ME3: variants seen among roughly 807,000 people sequenced by gnomAD.
The protein encoded by ME3 is NADP-dependent malic enzyme, mitochondrial.
ME3 carries 48 observed loss-of-function variants against 68.9 expected under a neutral mutation model. The ratio of observed to expected loss-of-function variants is 0.70; its 90% CI spans 0.55 to 0.89. The LOEUF (loss-of-function observed/expected upper bound fraction) is 0.89, where lower values mean the gene tolerates loss of function less well. Ranked by LOEUF, ME3 falls within the 40% of genes least tolerant of loss-of-function variation. The probability of loss-of-function intolerance (pLI) is 0.00; values close to 1 mark genes in which losing one functional copy is unlikely to be tolerated. For synonymous variants in ME3, 320 were observed against 318.8 expected (o/e 1.00, Z -0.04); for missense variants, 675 against 797.4 (o/e 0.85, Z 1.85).
intron 6 of ME3, among the ~76,000 whole-genome samples, chr11:86,490,821 T>C (rs756518674): frequency 1.3e-5 from 2 of 152,202 alleles, no homozygotes; most frequent in Non-Finnish European, 2.9e-5. Context: ...ATTTGAATCT[T>C]AGTGCATCAA....
At chr11:86,527,925 G>C (rs1954892607) in intron 4 of ME3, among the ~76,000 whole-genome samples, 1 of 152,120 alleles carries the variant, frequency 6.6e-6, no homozygotes, top group African/African-American at 2.4e-5. Flanking sequence ...AGACCATCGA[G>C]GCTAGGAAGA....
At chr11:86,555,852 G>C (rs1040899470) in intron 4 of ME3, among the ~76,000 whole-genome samples, 2 of 152,218 alleles carry the variant, frequency 1.3e-5, no homozygotes, top group Admixed American at 1.3e-4. Flanking sequence ...ATATTTGAAC[G>C]TAGACTAGAA....
intron 8 of ME3, among the ~76,000 whole-genome samples, chr11:86,461,075 T>A (rs1359375777): frequency 6.6e-6 from 1 of 152,216 alleles, no homozygotes; most frequent in Non-Finnish European, 1.5e-5. Flanking sequence ...ACACCCACAC[T>A]GTTTCAGCAG....
the ME3 span, chr11:86,436,100 G>A: frequency 1.3e-5 from 2 of 152,156 alleles, no homozygotes; most frequent in Admixed American, 1.3e-4. Flanking sequence ...TGGGAGGCTG[G>A]GGAGTTAGAG....
intron 2 of ME3, among the ~76,000 whole-genome samples, chr11:86,565,304 T>C (rs1392392440): frequency 6.6e-6 from 1 of 152,196 alleles, no homozygotes; most frequent in Admixed American, 6.5e-5. Flanking sequence ...TATTACAGCC[T>C]GTATGGAAAG....
intron 2 of ME3, among the ~76,000 whole-genome samples, chr11:86,560,712 G>GTGTGTGTGTA (rs1235263678): frequency 5.0e-5 from 4 of 80,636 alleles, no homozygotes; most frequent in African/African-American, 1.7e-4. Flanking sequence ...ATATGTGTGT[G>GTGTGTGTGTA]TGTGTGTGTG....
chr11:86,602,481 T>C (rs375047940), intron 2 of ME3, among the ~76,000 whole-genome samples: 9 of 152,150 alleles, frequency 5.9e-5, no homozygotes, highest in Middle Eastern at 3.4e-3. Flanking sequence ...AAGAACATTC[T>C]ATGCTCATGG....
intron 6 of ME3, among the ~76,000 whole-genome samples, chr11:86,497,649 A>T (rs1213775528): frequency 1.3e-5 from 2 of 152,094 alleles, no homozygotes; most frequent in African/African-American, 4.8e-5. Flanking sequence ...GGAAATAGAA[A>T]CTGCCTGGGG....
intron 7 of ME3, among the ~76,000 whole-genome samples, 185 bp downstream of exon 7, chr11:86,487,152 T>G (rs552349564): frequency 3.3e-4 from 51 of 152,286 alleles, no homozygotes; most frequent in African/African-American, 1.2e-3. Flanking sequence ...AGGGATTCTC[T>G]CAGAGAATGA....
Position 86,585,117 on chromosome 11 carries a change from A to G in ME3, c.184-25294T>C, listed in dbSNP as rs149418327. ...AAGGCTTGGAAAAGGGAAGGTGCAC[A>G]GACAGGACCAAGACTGTGCAGTGTG... On this transcript the variant is annotated intron_variant, in intron 2 of 14. Transcript: ENST00000543262. Among the ~76,000 whole-genome samples, 144 of 150,968 alleles carry G rather than the reference A, an allele frequency of 9.5e-4. 1 individual carries two copies. The highest frequency in any genetic ancestry group is 6.8e-3 in the Middle Eastern group (2 of 294).
chr11:86,435,452 G>C, the ME3 span: 1 of 152,210 alleles, frequency 6.6e-6, no homozygotes, highest in Non-Finnish European at 1.5e-5. Flanking sequence ...TTATTTTCTA[G>C]GGACATTTAC....
chr11:86,555,145 G>A (rs1049232561), intron 4 of ME3, among the ~76,000 whole-genome samples: 2 of 152,178 alleles, frequency 1.3e-5, no homozygotes, highest in Non-Finnish European at 2.9e-5. Context: ...AAGAACATCA[G>A]TGTACTTGGG....
intron 6 of ME3, among the ~76,000 whole-genome samples, chr11:86,492,177 A>G (rs1460633418): frequency 1.3e-5 from 2 of 152,352 alleles, no homozygotes; most frequent in Middle Eastern, 3.4e-3. Flanking sequence ...TCTGTTAAAT[A>G]GGGAATAATG....
chr11:86,468,232 C>T (rs1028648213), intron 7 of ME3, among the ~76,000 whole-genome samples: 4 of 152,160 alleles, frequency 2.6e-5, no homozygotes, highest in Non-Finnish European at 4.4e-5. Context: ...TGAAACCAGA[C>T]CACTATCCAG....
rs202007526 is a variant in ME3 at position 86,546,555 on chromosome 11, A to G, written c.467+9998T>C. ...GAAGACATTAATGCCACCAACAAAA[A>G]TATGAAAAAATGCTCATCATCACTG... is the stretch of plus-strand genomic sequence containing the variant. On this transcript the variant is annotated intron_variant, in intron 4 of 14. Coordinates refer to ENST00000543262, the Ensembl canonical transcript of ME3. Among the ~76,000 whole-genome samples, 21 of 152,352 alleles carry G rather than the reference A, an allele frequency of 1.4e-4. No homozygotes were observed. In the East Asian group the frequency reaches 3.7e-3, roughly 27 times the overall value.
At position 86,556,546 on chromosome 11, in the gene ME3, G is replaced by C; in HGVS notation, c.467+7C>G. The C allele has an allele frequency of 6.2e-7, 1 of 1,612,818 alleles. No individual in the cohort carries two copies. The highest frequency in any genetic ancestry group is 8.5e-7 in the Non-Finnish European group (1 of 1,179,338). On this transcript the variant is annotated splice_region_variant and intron_variant, in intron 4 of 14. Transcript: ENST00000543262. ...CCTCCCAGAGCCCTCACTCCACGGG[G>C]GCTCACCGGGGCCTGCGGAAAGTCA...
intron 2 of ME3, among the ~76,000 whole-genome samples, chr11:86,655,119 G>C (rs1311231842): frequency 5.3e-5 from 8 of 152,126 alleles, no homozygotes; most frequent in African/African-American, 9.7e-5. Flanking sequence ...AATGGAAGAA[G>C]ATTCTATGCT....
chr11:86,610,983 C>T (rs7116895), intron 2 of ME3, among the ~76,000 whole-genome samples: 15,812 of 152,148 alleles, frequency 0.1, 1,301 homozygotes, highest in African/African-American at 0.22. Context: ...CTCCAGATAT[C>T]ACTTCAAGCC....
intron 2 of ME3, among the ~76,000 whole-genome samples, chr11:86,621,287 G>T (rs1565226649): frequency 6.6e-6 from 1 of 152,178 alleles, no homozygotes; most frequent in African/African-American, 2.4e-5. Context: ...CAGGCCTAAG[G>T]CCAGTAAGAA....
Sources: gnomAD v4.1 joint callset for allele counts (sites outside exome capture counted in the v4.1 genomes callset) on GRCh38, gnomAD v4.1.1 for gene constraint, MANE v1.5 for transcripts, NCBI Gene and HGNC (gene_info 2026-07-23, HGNC 2026-07-21) for gene names.